GAS6: variants seen among roughly 807,000 people sequenced by gnomAD.
GAS6 encodes the protein growth arrest specific 6.
A neutral mutation model predicts 75.8 loss-of-function variants in GAS6; 41 were observed. The observed-to-expected ratio is 0.54, with a 90% CI of 0.42 to 0.70. The LOEUF (loss-of-function observed/expected upper bound fraction) is 0.70, where lower values mean the gene tolerates loss of function less well. GAS6 is among the 30% of genes least tolerant of loss of function. GAS6 has a pLI of 0.00. For missense variants in GAS6, 854 were observed against 940.2 expected (o/e 0.91, Z 1.20); for synonymous variants, 432 against 412.6 (o/e 1.05, Z -0.57).
At chr13:113,856,773 A>C (rs181353833) in intron 2 of GAS6, among the ~76,000 whole-genome samples, 2 of 152,316 alleles carry the variant, frequency 1.3e-5, no homozygotes, top group East Asian at 3.9e-4. Flanking sequence ...CCTCCCTGAG[A>C]GCTCCCGCGT....
chr13:113,860,863 C>T (rs942635301), intron 2 of GAS6, among the ~76,000 whole-genome samples: 3 of 152,076 alleles, frequency 2.0e-5, no homozygotes, highest in African/African-American at 4.8e-5. Context: ...GGGAGGGGTG[C>T]TGGGCTTAGT....
At chr13:113,859,358 G>A (rs2051950079) in intron 2 of GAS6, among the ~76,000 whole-genome samples, 1 of 150,402 alleles carries the variant, frequency 6.6e-6, no homozygotes, top group African/African-American at 2.5e-5. Context: ...ATGTCTGTGT[G>A]ACTGTATGTC....
rs571489871 is a variant in GAS6, at chr13:113,835,748, T to C, written c.590-113A>G. ...CCACCCAGAGGTCGCATCCAGACTCTGTGGGGCCAGCGCGCCCTGGCCCCA... is the reference window on the plus strand; with the variant it reads ...CCACCCAGAGGTCGCATCCAGACTCCGTGGGGCCAGCGCGCCCTGGCCCCA... On this transcript the variant is annotated intron_variant, in intron 6 of 14. Coordinates refer to ENST00000327773, the MANE Select transcript of GAS6 (RefSeq NM_000820.4). 24 of 1,498,822 alleles carry C rather than the reference T, an allele frequency of 1.6e-5. No individual in the cohort carries two copies. In the East Asian group the frequency reaches 4.8e-4, roughly 30 times the overall value. The allele number at this position is 1,498,822 out of a possible 1,614,324, so 92.8% of individuals were successfully genotyped here. A position where few individuals can be genotyped will look rare whatever the true frequency, so the allele number is the denominator to read the frequency against.
rs143874141 is a variant in GAS6, at chr13:113,842,471, C to T, written c.344-2621G>A. ...GCCAGGAGCCGGCCGGGGCCCCATCCCTGACACTGCTGTCGCCCGGCTGTA... is the reference window on the plus strand; with the variant it reads ...GCCAGGAGCCGGCCGGGGCCCCATCTCTGACACTGCTGTCGCCCGGCTGTA... On this transcript the variant is annotated intron_variant, in intron 4 of 14. Transcript: ENST00000327773. The T allele has an allele frequency of 2.5e-5, 10 of 395,788 alleles. No homozygotes were observed. In the East Asian group the frequency reaches 3.6e-4, roughly 14 times the overall value. 24.5% of individuals were successfully genotyped at this position (395,788 alleles called of 1,614,324 possible). A position where few individuals can be genotyped will look rare whatever the true frequency, so the allele number is the denominator to read the frequency against.
chr13:113,846,593 C>CA lies in GAS6; in HGVS notation c.281-5dup. ...GACCCATACTTGTTGATGCAGTCTG[C>CA]AGGAAGAAAGGGAATGGATGTCAGT... On this transcript the variant is annotated splice_polypyrimidine_tract_variant and splice_region_variant and intron_variant, in intron 3 of 14. Coordinates refer to ENST00000327773, the MANE Select transcript of GAS6 (RefSeq NM_000820.4). 6.2e-7 allele frequency: 1 copy of CA among 1,613,396 alleles called. No individual in the cohort carries two copies. Among genetic ancestry groups the CA allele is most frequent in the Non-Finnish European group, 8.5e-7 (1 of 1,179,432 alleles).
At chr13:113,821,270 C>T (rs920009546) in intron 14 of GAS6, 8 of 550,120 alleles carry the variant, frequency 1.5e-5, no homozygotes, top group East Asian at 8.9e-5. Flanking sequence ...ACAGTCCCAT[C>T]GGTTAAACGT....
In GAS6 at chr13:113,837,509, G is replaced by A. The variant is rs1594200144; in HGVS notation, c.589+560C>T. Among the ~76,000 whole-genome samples the A allele has an allele frequency of 6.6e-6, 1 of 152,192 alleles. No homozygotes were observed. The highest frequency in any genetic ancestry group is 2.4e-5 in the African/African-American group (1 of 41,426). ...AAGTGGCAAAGGGCCAGTGGCAGCA[G>A]CAGCACCTGGAACAGCGTCGGGGGC... is the stretch of plus-strand genomic sequence containing the variant. On this transcript the variant is annotated intron_variant, in intron 6 of 14. Transcript: ENST00000327773. The surrounding 1 kb of genome is among the most constrained non-coding windows in gnomAD (Gnocchi z 5.1).
intron 2 of GAS6, among the ~76,000 whole-genome samples, chr13:113,856,283 G>A (rs1343960681): frequency 1.3e-5 from 2 of 152,170 alleles, no homozygotes; most frequent in African/African-American, 4.8e-5. Flanking sequence ...CAGTGGGGCC[G>A]GGGGTGCTGC....
chr13:113,837,548 G>A lies in GAS6; in HGVS notation c.589+521C>T, dbSNP rs138166355. ...AGCGTCGGGGGCGCGCACATTCACA[G>A]TGACTTTCTGGGGTGTCCTGGGGCT... On this transcript the variant is annotated intron_variant, in intron 6 of 14. Transcript: ENST00000327773. The surrounding 1 kb of genome is among the most constrained non-coding windows in gnomAD (Gnocchi z 5.1). 2.3e-3 allele frequency among the ~76,000 whole-genome samples: 348 copies of A among 152,276 alleles called. 2 individuals carry two copies. In the Middle Eastern group the frequency reaches 0.041, roughly 18 times the overall value.
chr13:113,826,605 G>C lies in GAS6; in HGVS notation c.1477+391C>G, dbSNP rs557274900. Among the ~76,000 whole-genome samples, 58 of 33,048 alleles carry C rather than the reference G, an allele frequency of 1.8e-3. 3 individuals are homozygous for C. The highest frequency in any genetic ancestry group is 6.9e-3 in the South Asian group (5 of 728). 21.7% of individuals were successfully genotyped at this position (33,048 alleles called of 152,430 possible). A position where few individuals can be genotyped will look rare whatever the true frequency, so the allele number is the denominator to read the frequency against. On this transcript the variant is annotated intron_variant, in intron 12 of 14. Coordinates refer to ENST00000327773, the MANE Select transcript of GAS6 (RefSeq NM_000820.4). ...GGCCTCGCAGGCACCTTCTCTCCCC[G>C]GCCTCCCGGCGCCGGCCTCGCAGGC...
chr13:113,831,190 G>T (rs1349976756), intron 10 of GAS6, among the ~76,000 whole-genome samples: 1 of 152,228 alleles, frequency 6.6e-6, no homozygotes, highest in Non-Finnish European at 1.5e-5. Context: ...AGCTGCCCAA[G>T]TGCAGGTCTG....
intron 3 of GAS6, among the ~76,000 whole-genome samples, 185 bp from the exon 4 acceptor site, chr13:113,846,774 G>A (rs2051836986): frequency 6.6e-6 from 1 of 152,214 alleles, no homozygotes; most frequent in African/African-American, 2.4e-5. Flanking sequence ...CTGACAAACA[G>A]GAAACCACCT....
intron 11 of GAS6, among the ~76,000 whole-genome samples, chr13:113,828,076 C>A (rs1040641438): frequency 3.3e-5 from 5 of 152,026 alleles, no homozygotes; most frequent in Non-Finnish European, 5.9e-5. Context: ...AAGATCGAGA[C>A]CACGGCGAAA....
intron 12 of GAS6, among the ~76,000 whole-genome samples, chr13:113,826,487 CGG>C: frequency 7.9e-6 from 1 of 127,156 alleles, no homozygotes; most frequent in Non-Finnish European, 1.7e-5. Flanking sequence ...CTTCTCTCCC[CGG>C]CCTCCCGGCG....
In GAS6 at chr13:113,863,968, C is replaced by G. The variant is rs548673062; in HGVS notation, c.-48G>C. 129 of 1,028,212 alleles carry G rather than the reference C, an allele frequency of 1.3e-4. No individual in the cohort carries two copies. The African/African-American group carries it at 1.3e-3, about 10-fold the overall frequency. 63.7% of individuals were successfully genotyped at this position (1,028,212 alleles called of 1,614,324 possible). On this transcript the variant is annotated 5_prime_UTR_variant, in exon 1 of 15. Coordinates refer to ENST00000327773, the MANE Select transcript of GAS6 (RefSeq NM_000820.4). The surrounding 1 kb of genome is among the most constrained non-coding windows in gnomAD (Gnocchi z 9.4). ...AGAGCGCCCGGGAGGCCGAGGCGAG[C>G]CGCGGGCGCCGCGGGGCGGAGGCTC... is the stretch of plus-strand genomic sequence containing the variant.
In GAS6 at chr13:113,826,427, C is replaced by A. The variant is rs1189725498; in HGVS notation, c.1477+569G>T. Among the ~76,000 whole-genome samples, 5 of 125,254 alleles carry A rather than the reference C, an allele frequency of 4.0e-5. 1 individual carries two copies. The highest frequency in any genetic ancestry group is 1.5e-4 in the African/African-American group (5 of 32,290). 82.2% of individuals were successfully genotyped at this position (125,254 alleles called of 152,430 possible). On this transcript the variant is annotated intron_variant, in intron 12 of 14. Transcript: ENST00000327773. ...CTCTCCCCGGCCTCCCGGCGCTGGC[C>A]TCGCAGGCACCTTCTCTCCCCAGCC...
chr13:113,834,499 C>T (rs1017202673), intron 8 of GAS6, 52 bp downstream of exon 8: 9 of 1,440,500 alleles, frequency 6.2e-6, no homozygotes, highest in Admixed American at 5.8e-5. Flanking sequence ...CCCCCACCGG[C>T]GAGGGCCCCC....
At chr13:113,850,105 T>C (rs59692054) in intron 2 of GAS6, among the ~76,000 whole-genome samples, 12,551 of 152,252 alleles carry the variant, frequency 0.082, 655 homozygotes, top group East Asian at 0.17. Flanking sequence ...GAGAACATTC[T>C]AGCCAAAGAT....
intron 6 of GAS6, chr13:113,836,170 G>T: frequency 2.0e-6 from 1 of 497,524 alleles, no homozygotes; most frequent in Non-Finnish European, 2.4e-6. Context: ...TTAGTCACCA[G>T]AGGAGAGCAA....
Sources: allele counts gnomAD v4.1 joint callset (sites outside exome capture counted in the v4.1 genomes callset), GRCh38; gene constraint gnomAD v4.1.1; non-coding constraint Gnocchi (gnomAD v3.1); transcripts MANE v1.5; gene names NCBI Gene and HGNC (gene_info 2026-07-23, HGNC 2026-07-21).